KRT86: variants seen among roughly 807,000 people sequenced by gnomAD.
The protein encoded by KRT86 is keratin, type II cuticular Hb6.
Under a neutral mutation model 41.2 loss-of-function variants are expected in KRT86, and 30 were observed. The observed-to-expected ratio is 0.73, with a 90% confidence interval of 0.54 to 0.99. The LOEUF is 0.99. KRT86 is among the 50% of genes least tolerant of loss of function. KRT86 has a pLI of 0.00. For synonymous variants in KRT86, 238 were observed against 238.1 expected, an observed-to-expected ratio of 1.00 and a Z score of 0.00; for missense variants, 561 against 571.4, an observed-to-expected ratio of 0.98 and a Z score of 0.19.
At chr12:52,286,576 G>T in intron 2 of KRT86, 2 of 1,393,252 alleles carry the variant, frequency 1.4e-6, no homozygotes, top group Non-Finnish European at 2.0e-6. Flanking sequence ...CAAGACCTGA[G>T]CTCTGGTATG....
chr12:52,306,027 T>C, intron 8 of KRT86, 33 bp from the exon 9 acceptor site: 1 of 1,612,752 alleles, frequency 6.2e-7, no homozygotes, highest in Middle Eastern at 1.9e-4. Context: ...ACCCAGGGAC[T>C]CTAATCTACC....
At position 52,287,807 on chromosome 12, in the gene KRT86, G is replaced by GT. The variant is rs566497238; in HGVS notation, c.-5+11862dup. The GT allele has an allele frequency of 1.3e-4, 215 of 1,611,780 alleles. 1 individual carries two copies. In the South Asian group the frequency reaches 2.3e-3, roughly 18 times the overall value. On this transcript the variant is annotated intron_variant, in intron 2 of 10. Transcript: ENST00000423955. ...CACAGATGATTTTGCAGGTTGTACAGTGCTCAGCCTGTGCAGCCACACATG... is the reference window on the plus strand; with the variant it reads ...CACAGATGATTTTGCAGGTTGTACAGTTGCTCAGCCTGTGCAGCCACACATG...
chr12:52,281,931 G>T (rs1392328196), intron 2 of KRT86, among the ~76,000 whole-genome samples: 1 of 151,904 alleles, frequency 6.6e-6, no homozygotes, highest in Non-Finnish European at 1.5e-5. Flanking sequence ...TGTAGAGATG[G>T]GGTCTCACCA....
intron 1 of KRT86, among the ~76,000 whole-genome samples, chr12:52,275,436 A>AT (rs11343520): frequency 3.3e-5 from 5 of 152,002 alleles, no homozygotes; most frequent in Admixed American, 1.3e-4. Flanking sequence ...AATTTCATTA[A>AT]TTTTTTTTGT....
intron 5 of KRT86, among the ~76,000 whole-genome samples, 165 bp from the exon 6 acceptor site, chr12:52,304,767 A>G (rs1938462015): frequency 6.6e-6 from 1 of 151,886 alleles, no homozygotes; most frequent in Non-Finnish European, 1.5e-5. Flanking sequence ...AGAATGGCAG[A>G]GGATGCCAGG....
At chr12:52,307,630 C>T (rs1938546583) in intron 9 of KRT86, among the ~76,000 whole-genome samples, 1 of 152,144 alleles carries the variant, frequency 6.6e-6, no homozygotes, top group Non-Finnish European at 1.5e-5. Flanking sequence ...TCAGCCTTTC[C>T]ATCTGCCGGA....
Position 52,275,887 on chromosome 12 carries a change from A to G in KRT86, c.-64A>G. Reference sequence around the variant, plus strand: ...CCTGAAGCCCAGCAAGGAGGATCTGAACAGGCTTAATCAGGCCATCCAGTG... The same window carrying G: ...CCTGAAGCCCAGCAAGGAGGATCTGGACAGGCTTAATCAGGCCATCCAGTG... On this transcript the variant is annotated 5_prime_UTR_variant, in exon 2 of 11. Coordinates refer to ENST00000423955, the MANE Select transcript of KRT86 (RefSeq NM_001320198.2). 1.0e-6 allele frequency: 1 copy of G among 986,026 alleles called. No individual in the cohort carries two copies. The highest frequency in any genetic ancestry group is 1.2e-6 in the Non-Finnish European group (1 of 830,008). 61.1% of individuals were successfully genotyped at this position (986,026 alleles called of 1,614,324 possible). A position where few individuals can be genotyped will look rare whatever the true frequency, so the allele number is the denominator to read the frequency against.
At chr12:52,288,596 C>T (rs770917546) in intron 2 of KRT86, 114 of 1,069,164 alleles carry the variant, frequency 1.1e-4, no homozygotes, top group Non-Finnish European at 1.5e-4. Flanking sequence ...CCCTTCTGCC[C>T]TTCCTGGGAT....
At chr12:52,298,860 A>G (rs1045245513) in intron 2 of KRT86, among the ~76,000 whole-genome samples, 1 of 152,138 alleles carries the variant, frequency 6.6e-6, no homozygotes, top group Non-Finnish European at 1.5e-5. Flanking sequence ...TATGGGCTAC[A>G]TAAGATATTT....
intron 2 of KRT86, 131 bp downstream of exon 2, chr12:52,276,077 A>G: frequency 4.4e-6 from 4 of 904,872 alleles, no homozygotes; most frequent in Non-Finnish European, 5.3e-6. Flanking sequence ...GTCTAAGCAT[A>G]CAGCAGTGCA....
intron 2 of KRT86, chr12:52,286,469 A>G (rs1259335237): frequency 6.4e-7 from 1 of 1,551,840 alleles, no homozygotes; most frequent in East Asian, 2.4e-5. Context: ...CCCGCACACG[A>G]CCCCGCCCCG....
At chr12:52,300,011 T>A (rs1452297186) in intron 2 of KRT86, among the ~76,000 whole-genome samples, 1 of 152,214 alleles carries the variant, frequency 6.6e-6, no homozygotes, top group Non-Finnish European at 1.5e-5. Flanking sequence ...AATCAAGAAA[T>A]CTTTGTCCAG....
chr12:52,287,377 T>C, intron 2 of KRT86: 1 of 1,604,654 alleles, frequency 6.2e-7, no homozygotes, highest in South Asian at 1.1e-5. Flanking sequence ...TCTCTGATGC[T>C]CATCCAAATG....
At chr12:52,294,878 A>G (rs1938213999) in intron 2 of KRT86, among the ~76,000 whole-genome samples, 2 of 152,148 alleles carry the variant, frequency 1.3e-5, no homozygotes, top group African/African-American at 4.8e-5. Context: ...ACATAAATGG[A>G]CTCATGTTGC....
intron 2 of KRT86, among the ~76,000 whole-genome samples, chr12:52,284,307 G>A (rs1224521789): frequency 1.3e-5 from 2 of 152,054 alleles, no homozygotes; most frequent in Admixed American, 1.3e-4. Flanking sequence ...GTCCTGCTTC[G>A]GCCCCCTAAG....
chr12:52,299,559 C>A, intron 2 of KRT86, among the ~76,000 whole-genome samples: 1 of 152,220 alleles, frequency 6.6e-6, no homozygotes, highest in Non-Finnish European at 1.5e-5. Context: ...TTACATCCCA[C>A]TAGCAGTGTA....
chr12:52,297,707 G>C (rs1252793799), intron 2 of KRT86, among the ~76,000 whole-genome samples: 1 of 152,202 alleles, frequency 6.6e-6, no homozygotes, highest in African/African-American at 2.4e-5. Context: ...GGCCACTGCA[G>C]AATAAGAAGT....
chr12:52,305,626 C>T, intron 7 of KRT86, 37 bp from the exon 8 acceptor site: 2 of 1,613,964 alleles, frequency 1.2e-6, no homozygotes, highest in Non-Finnish European at 1.7e-6. Context: ...GTGGGAGGTC[C>T]CACCCTGAAC....
At chr12:52,298,352 G>A (rs1403511592) in intron 2 of KRT86, among the ~76,000 whole-genome samples, 1 of 152,236 alleles carries the variant, frequency 6.6e-6, no homozygotes, top group African/African-American at 2.4e-5. Context: ...CATTTTCTAT[G>A]TGCCAGCTGC....
Sources: gnomAD v4.1 joint callset for allele counts (sites outside exome capture counted in the v4.1 genomes callset) on GRCh38, gnomAD v4.1.1 for gene constraint, MANE v1.5 for transcripts, NCBI Gene and HGNC (gene_info 2026-07-23, HGNC 2026-07-21) for gene names.